PLCE1: variants seen among roughly 807,000 people sequenced by gnomAD.
PLCE1 encodes the protein phospholipase C epsilon 1.
Under a neutral mutation model 242.8 loss-of-function variants are expected in PLCE1, and 119 were observed. That is an observed-to-expected ratio of 0.49 (90% CI 0.42 to 0.57). The LOEUF is 0.57. Among genes scored for constraint, PLCE1 ranks in the 20% least tolerant of loss-of-function variants. The pLI, the probability that PLCE1 is intolerant of heterozygous loss-of-function variation, is 0.00. For missense variants in PLCE1, 2,441 were observed against 2,788.8 expected, an observed-to-expected ratio of 0.88 and a Z score of 2.81; for synonymous variants, 945 against 1,017.4, an observed-to-expected ratio of 0.93 and a Z score of 1.35.
intron 2 of PLCE1, among the ~76,000 whole-genome samples, chr10:94,071,006 G>A (rs996775713): frequency 6.6e-6 from 1 of 152,258 alleles, no homozygotes; most frequent in Admixed American, 6.5e-5. Flanking sequence ...GCTTAATCTT[G>A]CCAACAAATC....
At chr10:94,254,383 A>G in intron 10 of PLCE1, 76 bp downstream of exon 10, 1 of 1,023,148 alleles carries the variant, frequency 9.8e-7, no homozygotes, top group South Asian at 1.3e-5. Flanking sequence ...TTGGTTTTAA[A>G]TTGTGATTTA....
chr10:94,162,513 AT>A (rs1265328661), intron 3 of PLCE1, among the ~76,000 whole-genome samples: 1 of 152,020 alleles, frequency 6.6e-6, no homozygotes, highest in East Asian at 1.9e-4. Context: ...CCCCTTTATC[AT>A]TTTTTATTGC....
intron 2 of PLCE1, among the ~76,000 whole-genome samples, chr10:94,076,679 CA>C (rs2044511969): frequency 6.6e-6 from 1 of 152,006 alleles, no homozygotes; most frequent in Non-Finnish European, 1.5e-5. Flanking sequence ...TGTTATTCTG[CA>C]GACTGGAATA....
intron 2 of PLCE1, among the ~76,000 whole-genome samples, chr10:94,084,156 G>A (rs2044734245): frequency 1.3e-5 from 2 of 152,222 alleles, no homozygotes; most frequent in Non-Finnish European, 2.9e-5. Context: ...TTTAGACTGA[G>A]AATGGCTCTG....
chr10:94,282,809 C>T (rs976592050), intron 20 of PLCE1, among the ~76,000 whole-genome samples: 2 of 152,186 alleles, frequency 1.3e-5, no homozygotes, highest in African/African-American at 4.8e-5. Context: ...CTTACTGCCT[C>T]CCCTGCTCCT....
In PLCE1 at chr10:94,331,921, G is replaced by T. The variant is rs1057154835; in HGVS notation, c.*3978G>T. 1.3e-5 allele frequency: 2 copies of T among 149,770 alleles called. No individual in the cohort carries two copies. Among genetic ancestry groups the T allele is most frequent in the Non-Finnish European group, 1.5e-5 (1 of 67,820 alleles). The allele number at this position is 149,770 out of a possible 1,614,324, so 9.3% of individuals were successfully genotyped here. The stretch of plus-strand genomic sequence containing the variant: ...AAGTCTCACTCTGTTGCCCAGCCTG[G>T]AGTGCAGTGGTACGATCTCGACTCA... On this transcript the variant is annotated 3_prime_UTR_variant, in exon 33 of 33. Transcript: ENST00000371380.
At chr10:94,310,496 C>T (rs1223160615) in intron 27 of PLCE1, among the ~76,000 whole-genome samples, 1 of 152,060 alleles carries the variant, frequency 6.6e-6, no homozygotes, top group Non-Finnish European at 1.5e-5. Flanking sequence ...GATCATCAGG[C>T]GATTGCACCA....
rs753753425 is a variant in PLCE1 at position 94,227,204 on chromosome 10, T to C, written c.1810-102T>C. On this transcript the variant is annotated intron_variant, in intron 4 of 32. Transcript: ENST00000371380. The stretch of plus-strand genomic sequence containing the variant: ...GACCTACAGGTCTTTCATTTCCTAA[T>C]ACCAAATTGATATTTTTAGAAAAAC... The C allele has an allele frequency of 3.3e-4, 368 of 1,122,450 alleles. 1 individual carries two copies. Among genetic ancestry groups the C allele is most frequent in the Non-Finnish European group, 4.6e-4 (345 of 745,292 alleles). 69.5% of individuals were successfully genotyped at this position (1,122,450 alleles called of 1,614,324 possible). A position where few individuals can be genotyped will look rare whatever the true frequency, so the allele number is the denominator to read the frequency against.
intron 3 of PLCE1, among the ~76,000 whole-genome samples, chr10:94,156,556 G>T (rs1432023162): frequency 1.3e-5 from 2 of 152,068 alleles, no homozygotes; most frequent in Admixed American, 1.3e-4. Flanking sequence ...ACCCTCTCTG[G>T]GTGACCACCT....
At chr10:94,035,248 T>C (rs942880229) in intron 2 of PLCE1, among the ~76,000 whole-genome samples, 1 of 152,230 alleles carries the variant, frequency 6.6e-6, no homozygotes, top group African/African-American at 2.4e-5. Flanking sequence ...GGAAATAGGT[T>C]GCTTTAGAAC....
Position 94,268,948 on chromosome 10 carries a change from G to A in PLCE1, c.4301G>A (p.Arg1434Gln). The change falls in exon 17 of 33, where the codon CGA (arginine) becomes CAA (glutamine). Residue 1434 changes from arginine (R) to glutamine (Q), a missense_variant. Physicochemically the swap from Arg to Gln is conservative, Grantham distance 43 (BLOSUM62 1). Around this residue, in one of 5 missense-constraint regions of PLCE1, gnomAD observed 1,004 missense variants for 1,322.7 expected, o/e 0.76. Transcript: ENST00000371380. ...ACACAGGTCCTTTTGCAAGGCTGTC[G>A]AAGTGTAGAATTGGACTGCTGGGAC... Reference protein sequence around the residue: ...LYSQVLLQGCRSVELDCWDGD... With the variant: ...LYSQVLLQGCQSVELDCWDGD... The A allele has an allele frequency of 1.9e-6, 3 of 1,611,508 alleles. No individual in the cohort carries two copies. The highest frequency in any genetic ancestry group is 1.3e-5 in the African/African-American group (1 of 74,936).
chr10:94,171,847 A>G (rs576766602), intron 4 of PLCE1, among the ~76,000 whole-genome samples: 9 of 152,146 alleles, frequency 5.9e-5, no homozygotes, highest in Admixed American at 2.6e-4. Context: ...ACATGTCTCA[A>G]TTTTGAGTTT....
At chr10:94,250,564 G>GT (rs2050841183) in intron 8 of PLCE1, among the ~76,000 whole-genome samples, 1 of 151,952 alleles carries the variant, frequency 6.6e-6, no homozygotes, top group Non-Finnish European at 1.5e-5. Flanking sequence ...ATTATTTTGT[G>GT]TAAAACAAAA....
At chr10:94,223,359 G>A (rs568416085) in intron 4 of PLCE1, among the ~76,000 whole-genome samples, 1 of 152,254 alleles carries the variant, frequency 6.6e-6, no homozygotes, top group African/African-American at 2.4e-5. Flanking sequence ...GGGATATAGG[G>A]GAGAGGTGAG....
In PLCE1 at chr10:94,254,914, C is replaced by G; in HGVS notation, c.3419C>G (p.Pro1140Arg). The change falls in exon 11 of 33, where the codon CCT becomes CGT. Residue 1140 changes from proline to arginine, a missense_variant. Coordinates refer to ENST00000371380, the MANE Select transcript of PLCE1 (RefSeq NM_016341.4). ...EESEVNAIAN[P>R]PNPLPSRRAH... Reference sequence around the variant, plus strand: ...ACAGAGGTGAATGCCATCGCTAACCCTCCAAACCCCCTCCCTTCCAGAAGA... The same window carrying G: ...ACAGAGGTGAATGCCATCGCTAACCGTCCAAACCCCCTCCCTTCCAGAAGA... 1 of 1,614,076 alleles carries G rather than the reference C, an allele frequency of 6.2e-7. No individual in the cohort carries two copies. Among genetic ancestry groups the G allele is most frequent in the Non-Finnish European group, 8.5e-7 (1 of 1,179,970 alleles).
At chr10:94,271,249 T>C (rs993541508) in intron 18 of PLCE1, among the ~76,000 whole-genome samples, 2 of 150,126 alleles carry the variant, frequency 1.3e-5, no homozygotes, top group Non-Finnish European at 2.9e-5. Flanking sequence ...CAGTTGTATG[T>C]GGAAAAGCTG....
chr10:94,210,878 C>T lies in PLCE1; in HGVS notation c.1810-16428C>T, dbSNP rs1036308906. Among the ~76,000 whole-genome samples, 3 of 152,172 alleles carry T rather than the reference C, an allele frequency of 2.0e-5. No individual in the cohort carries two copies. The South Asian group carries it at 6.2e-4, about 32-fold the overall frequency. ...ATTTCTCCTGTTTTCCTTGTTGGGG[C>T]CTCCCTTCTAGAATTCTTCCCCAAA... On this transcript the variant is annotated intron_variant, in intron 4 of 32. Coordinates refer to ENST00000371380, the MANE Select transcript of PLCE1 (RefSeq NM_016341.4).
At chr10:94,257,502 A>G (rs1011349408) in intron 11 of PLCE1, among the ~76,000 whole-genome samples, 6 of 152,210 alleles carry the variant, frequency 3.9e-5, no homozygotes, top group Non-Finnish European at 5.9e-5. Context: ...TCACAATAGC[A>G]AAGACTTGGA....
intron 2 of PLCE1, among the ~76,000 whole-genome samples, chr10:94,050,703 A>G (rs1486213272): frequency 6.6e-6 from 1 of 151,978 alleles, no homozygotes; most frequent in Non-Finnish European, 1.5e-5. Context: ...AAAAATAAAA[A>G]TTTAAAAGAA....
Sources: gnomAD v4.1 joint callset for allele counts (sites outside exome capture counted in the v4.1 genomes callset) on GRCh38, gnomAD v4.1.1 for gene constraint, gnomAD v4.1.1 regional missense constraint, MANE v1.5 for transcripts, NCBI Gene and HGNC (gene_info 2026-07-23, HGNC 2026-07-21) for gene names.